Variants in TMEM178B observed in about 807,000 individuals in gnomAD.
TMEM178B encodes transmembrane protein 178B.
A neutral mutation model predicts 31.0 loss-of-function variants in TMEM178B; 5 were observed. That is an observed-to-expected ratio of 0.16 (90% CI 0.08 to 0.34). TMEM178B has a LOEUF of 0.34. Among genes scored for constraint, TMEM178B ranks in the 10% least tolerant of loss-of-function variants. The pLI is 1.00. For synonymous variants in TMEM178B, 164 were observed against 164.0 expected, an observed-to-expected ratio of 1.00 and a Z score of 0.00; for missense variants, 275 against 400.3, an observed-to-expected ratio of 0.69 and a Z score of 2.67.
At chr7:141,469,675 T>C (rs149237002) in intron 3 of TMEM178B, among the ~76,000 whole-genome samples, 1 of 151,330 alleles carries the variant, frequency 6.6e-6, no homozygotes, top group East Asian at 1.9e-4. Flanking sequence ...AGAAAAGTTA[T>C]TGAATTCATT....
At chr7:141,114,149 A>T (rs2129175508) in intron 1 of TMEM178B, among the ~76,000 whole-genome samples, 1 of 152,382 alleles carries the variant, frequency 6.6e-6, no homozygotes, top group Admixed American at 6.5e-5. Flanking sequence ...GAATTGCAAC[A>T]CACCTCCTTT....
At chr7:141,360,039 C>G (rs933764684) in intron 2 of TMEM178B, among the ~76,000 whole-genome samples, 1 of 152,150 alleles carries the variant, frequency 6.6e-6, no homozygotes, top group East Asian at 1.9e-4. Context: ...GTTCCTCCCA[C>G]AACACATGGG....
At chr7:141,449,955 T>A (rs1260283043) in intron 3 of TMEM178B, among the ~76,000 whole-genome samples, 1 of 152,204 alleles carries the variant, frequency 6.6e-6, no homozygotes, top group Non-Finnish European at 1.5e-5. Context: ...GAGCTGTAAA[T>A]GAATTCTGCT....
intron 2 of TMEM178B, among the ~76,000 whole-genome samples, chr7:141,336,936 C>CCAGCAT (rs1799409218): frequency 7.7e-6 from 1 of 129,056 alleles, no homozygotes; most frequent in African/African-American, 3.1e-5. Flanking sequence ...ACCACCATCA[C>CCAGCAT]CACCACCATC....
At chr7:141,304,511 T>A (rs902594394) in intron 2 of TMEM178B, among the ~76,000 whole-genome samples, 3 of 152,094 alleles carry the variant, frequency 2.0e-5, no homozygotes, top group Non-Finnish European at 2.9e-5. Flanking sequence ...CACACTCTCG[T>A]CTCCAGGGCT....
intron 3 of TMEM178B, among the ~76,000 whole-genome samples, chr7:141,462,813 C>A (rs1802082015): frequency 6.6e-6 from 1 of 151,936 alleles, no homozygotes; most frequent in Admixed American, 6.6e-5. Context: ...GGGGGAGCAG[C>A]AGGTCCAGAG....
the TMEM178B span, among the ~76,000 whole-genome samples, chr7:141,500,875 TC>T: frequency 6.6e-6 from 1 of 152,214 alleles, no homozygotes; most frequent in African/African-American, 2.4e-5. Flanking sequence ...TGAAAGGACC[TC>T]AGGCTTGTGA....
At chr7:141,243,616 C>T (rs1339607876) in intron 2 of TMEM178B, among the ~76,000 whole-genome samples, 1 of 152,026 alleles carries the variant, frequency 6.6e-6, no homozygotes, top group Admixed American at 6.5e-5. Flanking sequence ...CGCTGGGCCT[C>T]GGCTTCCTTC....
intron 2 of TMEM178B, among the ~76,000 whole-genome samples, chr7:141,264,731 A>G (rs1182257518): frequency 6.6e-6 from 1 of 152,236 alleles, no homozygotes; most frequent in Non-Finnish European, 1.5e-5. Flanking sequence ...CCAAAAAGGC[A>G]AGATGAATTA....
At chr7:141,415,162 G>A (rs1239632152) in intron 2 of TMEM178B, 1 of 152,348 alleles carries the variant, frequency 6.6e-6, no homozygotes, top group African/African-American at 2.4e-5. Flanking sequence ...CTAAAACCTA[G>A]GCCTTTGGTG....
intron 2 of TMEM178B, among the ~76,000 whole-genome samples, chr7:141,325,324 A>G (rs1005025005): frequency 1.2e-4 from 18 of 152,130 alleles, no homozygotes; most frequent in African/African-American, 4.3e-4. Flanking sequence ...CCAAGCCCCC[A>G]GATTATAAAA....
At chr7:141,389,975 T>G (rs1445069506) in intron 2 of TMEM178B, among the ~76,000 whole-genome samples, 1 of 152,168 alleles carries the variant, frequency 6.6e-6, no homozygotes, top group Non-Finnish European at 1.5e-5. Flanking sequence ...AAGGCAGCCT[T>G]CAGGGACCAG....
In TMEM178B at chr7:141,185,237, T is replaced by C. The variant is rs560650483; in HGVS notation, c.383-27354T>C. ...CGTAGGTGGCTTGTGTTAGCTCAAT[T>C]AGCCTCCTGCCTTATCTCCAGGACA... On this transcript the variant is annotated intron_variant, in intron 1 of 3. Coordinates refer to ENST00000565468, the MANE Select transcript of TMEM178B (RefSeq NM_001195278.2). Among the ~76,000 whole-genome samples, 15 of 152,332 alleles carry C rather than the reference T, an allele frequency of 9.8e-5. No individual in the cohort carries two copies. In the South Asian group the frequency reaches 2.5e-3, roughly 25 times the overall value.
intron 2 of TMEM178B, among the ~76,000 whole-genome samples, chr7:141,356,645 G>A (rs765536922): frequency 7.3e-6 from 1 of 136,586 alleles, no homozygotes; most frequent in African/African-American, 2.8e-5. Flanking sequence ...TAGTTGCGGG[G>A]TTGGGCGGGG....
At chr7:141,099,514 A>G (rs1271656944) in intron 1 of TMEM178B, among the ~76,000 whole-genome samples, 1 of 152,240 alleles carries the variant, frequency 6.6e-6, no homozygotes, top group South Asian at 2.1e-4. Context: ...CCAGCAATGT[A>G]TTGTTAAAGA....
intron 1 of TMEM178B, among the ~76,000 whole-genome samples, chr7:141,178,703 T>C (rs963096091): frequency 1.2e-4 from 18 of 152,364 alleles, no homozygotes; most frequent in African/African-American, 4.3e-4. Context: ...CTGCACTGAA[T>C]GGCCCCAGGT....
intron 2 of TMEM178B, among the ~76,000 whole-genome samples, chr7:141,431,459 A>G (rs1394244905): frequency 2.0e-5 from 3 of 152,126 alleles, no homozygotes; most frequent in Non-Finnish European, 4.4e-5. Context: ...TTCCCTCATT[A>G]TCAACCTCCC....
intron 3 of TMEM178B, among the ~76,000 whole-genome samples, chr7:141,455,708 T>G (rs1003254895): frequency 6.6e-6 from 1 of 152,256 alleles, no homozygotes; most frequent in Admixed American, 6.5e-5. Context: ...TTATAAACAT[T>G]ACATGCAAAT....
At chr7:141,160,085 G>A (rs183203107) in intron 1 of TMEM178B, among the ~76,000 whole-genome samples, 156 of 149,054 alleles carry the variant, frequency 1.0e-3, no homozygotes, top group Admixed American at 2.1e-3. Flanking sequence ...ATTGTTTTTG[G>A]GGAAGAGGTG....
Sources: gnomAD v4.1 joint callset for allele counts (sites outside exome capture counted in the v4.1 genomes callset) on GRCh38, gnomAD v4.1.1 for gene constraint, MANE v1.5 for transcripts, NCBI Gene and HGNC (gene_info 2026-07-23, HGNC 2026-07-21) for gene names.